The following FRAS1 variants were observed in gnomAD, a reference collection of about 807,000 sequenced individuals.
FRAS1 encodes Fraser extracellular matrix complex subunit 1.
FRAS1 carries 290 observed loss-of-function variants against 435.2 expected under a neutral mutation model. The observed-to-expected ratio is 0.67, with a 90% CI of 0.61 to 0.73. The LOEUF (loss-of-function observed/expected upper bound fraction) is 0.73. Ranked by LOEUF, FRAS1 falls within the 30% of genes least tolerant of loss-of-function variation. The probability of loss-of-function intolerance (pLI) is 0.00; values close to 1 mark genes in which losing one functional copy is unlikely to be tolerated. For synonymous variants in FRAS1, 1,800 were observed against 1,851.0 expected (o/e 0.97, Z 0.71); for missense variants, 4,860 against 5,001.5 (o/e 0.97, Z 0.85).
At chr4:78,276,933 C>T (rs1727073413) in intron 9 of FRAS1, among the ~76,000 whole-genome samples, 1 of 152,206 alleles carries the variant, frequency 6.6e-6, no homozygotes, top group Admixed American at 6.5e-5. Context: ...CAGAGGTAGG[C>T]AGGCCTCCTT....
chr4:78,422,501 A>G (rs1733826517), intron 34 of FRAS1, among the ~76,000 whole-genome samples: 1 of 152,194 alleles, frequency 6.6e-6, no homozygotes, highest in African/African-American at 2.4e-5. Flanking sequence ...CTGACGAGGA[A>G]AAGTGTATGT....
intron 66 of FRAS1, among the ~76,000 whole-genome samples, chr4:78,518,444 ATATATATATT>A (rs997919720): frequency 2.3e-5 from 3 of 132,698 alleles, no homozygotes; most frequent in Admixed American, 7.4e-5. Context: ...ATATATATAT[ATATATATATT>A]TATTTATTTA....
intron 20 of FRAS1, among the ~76,000 whole-genome samples, chr4:78,342,412 G>A (rs1578263596): frequency 6.6e-6 from 1 of 152,290 alleles, no homozygotes; most frequent in East Asian, 1.9e-4. Flanking sequence ...CAAATATAAA[G>A]TATGTGAGAT....
intron 2 of FRAS1, among the ~76,000 whole-genome samples, chr4:78,132,533 C>A (rs748335859): frequency 6.6e-6 from 1 of 152,042 alleles, no homozygotes; most frequent in Non-Finnish European, 1.5e-5. Context: ...CCTTTTTTGA[C>A]TAAGTCAAGG....
intron 22 of FRAS1, among the ~76,000 whole-genome samples, chr4:78,365,256 G>A (rs1731218270): frequency 6.6e-6 from 1 of 152,136 alleles, no homozygotes; most frequent in Non-Finnish European, 1.5e-5. Flanking sequence ...GGAGGTACTG[G>A]AGATCTAAAA....
At chr4:78,397,455 A>C (rs946304247) in intron 29 of FRAS1, among the ~76,000 whole-genome samples, 1 of 152,176 alleles carries the variant, frequency 6.6e-6, no homozygotes, top group Non-Finnish European at 1.5e-5. Context: ...TGCTGTCTGC[A>C]TGGGCTCATG....
At position 78,427,231 on chromosome 4, in the gene FRAS1, A is replaced by G. The variant is rs182038523; in HGVS notation, c.4712-1864A>G. Reference sequence around the variant, plus strand: ...AAAAGAGAACAAGAGACTTAAAATCACAAGCTCAGCCCCCTCGCCACGTGA... The same window carrying G: ...AAAAGAGAACAAGAGACTTAAAATCGCAAGCTCAGCCCCCTCGCCACGTGA... On this transcript the variant is annotated intron_variant, in intron 35 of 73. Transcript: ENST00000512123. 2.0e-3 allele frequency among the ~76,000 whole-genome samples: 311 copies of G among 152,296 alleles called. 4 individuals carry two copies. Among genetic ancestry groups the G allele is most frequent in the Non-Finnish European group, 6.5e-4 (44 of 68,026 alleles).
At chr4:78,427,720 G>A (rs1206709527) in intron 35 of FRAS1, among the ~76,000 whole-genome samples, 12 of 152,194 alleles carry the variant, frequency 7.9e-5, no homozygotes, top group South Asian at 4.1e-4. Context: ...GGATAATGTC[G>A]TCTTACCTTC....
intron 2 of FRAS1, among the ~76,000 whole-genome samples, chr4:78,157,298 G>A (rs1450336914): frequency 6.6e-6 from 1 of 152,188 alleles, no homozygotes; most frequent in Non-Finnish European, 1.5e-5. Context: ...ACATGCATAT[G>A]TCTTTTTGGT....
chr4:78,226,220 C>T (rs1270968165), intron 2 of FRAS1, among the ~76,000 whole-genome samples: 1 of 152,014 alleles, frequency 6.6e-6, no homozygotes, highest in Non-Finnish European at 1.5e-5. Context: ...TGTTAAATCC[C>T]ACCAGATGTT....
In FRAS1 at chr4:78,199,920, A is replaced by G. The variant is rs1722975604; in HGVS notation, c.109-37590A>G. ...TGATGATGGATGAATAAAAATCATA[A>G]AAGTAGTGGGGAAATAGCTCTAATA... On this transcript the variant is annotated intron_variant, in intron 2 of 73. Transcript: ENST00000512123. Among the ~76,000 whole-genome samples the G allele has an allele frequency of 2.6e-5, 4 of 152,348 alleles. No individual in the cohort carries two copies. In the South Asian group the frequency reaches 8.3e-4, roughly 32 times the overall value.
intron 2 of FRAS1, among the ~76,000 whole-genome samples, chr4:78,212,966 A>T (rs1397680430): frequency 6.6e-6 from 1 of 152,162 alleles, no homozygotes; most frequent in African/African-American, 2.4e-5. Flanking sequence ...TGGAGTTGGG[A>T]CGGTGATTCC....
intron 2 of FRAS1, among the ~76,000 whole-genome samples, chr4:78,129,918 CTTG>C (rs1719598650): frequency 6.6e-6 from 1 of 152,150 alleles, no homozygotes; most frequent in Admixed American, 6.5e-5. Context: ...CTGGCAGCTT[CTTG>C]TTGTTGCTGC....
chr4:78,290,817 T>G (rs1480085925), intron 14 of FRAS1, among the ~76,000 whole-genome samples: 1 of 151,150 alleles, frequency 6.6e-6, no homozygotes, highest in Non-Finnish European at 1.5e-5. Context: ...TTTTTTTTTT[T>G]TTTTTAAGAC....
intron 2 of FRAS1, among the ~76,000 whole-genome samples, chr4:78,093,553 A>T (rs1390179991): frequency 6.6e-6 from 1 of 152,238 alleles, no homozygotes; most frequent in Non-Finnish European, 1.5e-5. Flanking sequence ...AATTGTTTTT[A>T]TCTGAAGAAA....
chr4:78,544,262 G>C lies in FRAS1; in HGVS notation c.*3138G>C, dbSNP rs578243637. The C allele has an allele frequency of 6.6e-6, 1 of 152,244 alleles. No individual in the cohort carries two copies. The highest frequency in any genetic ancestry group is 2.4e-5 in the African/African-American group (1 of 41,098). The allele number at this position is 152,244 out of a possible 1,614,324, so 9.4% of individuals were successfully genotyped here. A position where few individuals can be genotyped will look rare whatever the true frequency, so the allele number is the denominator to read the frequency against. ...ATTTGTATTAATAAATGACAGTCTT[G>C]TTGGTTTTTTGTTTGTTTTCCTATG... On this transcript the variant is annotated 3_prime_UTR_variant, in exon 74 of 74. Coordinates refer to ENST00000512123, the MANE Select transcript of FRAS1 (RefSeq NM_025074.7).
rs144705481 is a variant in FRAS1, at chr4:78,398,305, C to T, written c.3976-2429C>T. On this transcript the variant is annotated intron_variant, in intron 29 of 73. Transcript: ENST00000512123. Reference sequence around the variant, plus strand: ...TCTACCTTGGACCATGCTTTTCATGCGTTAGTATGTCTGCACAGCTTCTGG... The same window carrying T: ...TCTACCTTGGACCATGCTTTTCATGTGTTAGTATGTCTGCACAGCTTCTGG... Among the ~76,000 whole-genome samples, 569 of 152,294 alleles carry T rather than the reference C, an allele frequency of 3.7e-3. 3 individuals carry two copies. Among genetic ancestry groups the T allele is most frequent in the African/African-American group, 0.013 (544 of 41,554 alleles).
rs370495916 is a variant in FRAS1 at position 78,538,912 on chromosome 4, G to A, written c.11299-382G>A. 2.1e-4 allele frequency among the ~76,000 whole-genome samples: 31 copies of A among 149,898 alleles called. No individual in the cohort carries two copies. In the East Asian group the frequency reaches 3.3e-3, roughly 16 times the overall value. Reference sequence around the variant, plus strand: ...GGAGCCAGCAGTGAGCTGAGATCGCGCCACTGCACTCCAGCCTGGGCGACA... The same window carrying A: ...GGAGCCAGCAGTGAGCTGAGATCGCACCACTGCACTCCAGCCTGGGCGACA... On this transcript the variant is annotated intron_variant, in intron 72 of 73. Transcript: ENST00000512123.
intron 14 of FRAS1, among the ~76,000 whole-genome samples, chr4:78,293,494 ACT>A (rs750565114): frequency 6.6e-5 from 10 of 151,784 alleles, no homozygotes; most frequent in East Asian, 5.8e-4. Flanking sequence ...ATAATTACAG[ACT>A]CTCTATTTTT....
Sources: gnomAD v4.1 joint callset for allele counts (sites outside exome capture counted in the v4.1 genomes callset) on GRCh38, gnomAD v4.1.1 for gene constraint, MANE v1.5 for transcripts, NCBI Gene and HGNC (gene_info 2026-07-23, HGNC 2026-07-21) for gene names.